The following SLC44A5 variants were observed in gnomAD, a reference collection of about 807,000 sequenced individuals.
The protein encoded by SLC44A5 is choline transporter-like protein 5.
Under a neutral mutation model 101.8 loss-of-function variants are expected in SLC44A5, and 57 were observed. That is an observed-to-expected ratio of 0.56 (90% CI 0.45 to 0.70). The LOEUF is 0.70. Ranked by LOEUF, SLC44A5 falls within the 30% of genes least tolerant of loss-of-function variation. The pLI is 0.00. For synonymous variants in SLC44A5, 281 were observed against 290.9 expected (o/e 0.97, Z 0.35); for missense variants, 737 against 853.1 (o/e 0.86, Z 1.70).
intron 12 of SLC44A5, among the ~76,000 whole-genome samples, chr1:75,233,581 C>T (rs1220018004): frequency 2.0e-5 from 3 of 152,286 alleles, no homozygotes; most frequent in South Asian, 4.1e-4. Context: ...ATTAAACGTA[C>T]TAAGTTGAAA....
chr1:75,246,561 T>G (rs1276672587), intron 7 of SLC44A5, among the ~76,000 whole-genome samples: 2 of 151,508 alleles, frequency 1.3e-5, no homozygotes, highest in Non-Finnish European at 3.0e-5. Flanking sequence ...TAAGAAATAA[T>G]AAATAAGTAA....
intron 1 of SLC44A5, among the ~76,000 whole-genome samples, chr1:75,558,147 A>C (rs1672320710): frequency 6.6e-6 from 1 of 152,074 alleles, no homozygotes; most frequent in African/African-American, 2.4e-5. Flanking sequence ...TTCCCTCTGC[A>C]TTTTTAACTT....
chr1:75,345,778 T>C (rs1029123612), intron 3 of SLC44A5, among the ~76,000 whole-genome samples: 1 of 151,672 alleles, frequency 6.6e-6, no homozygotes, highest in South Asian at 2.1e-4. Context: ...TTACCAGGAG[T>C]TGGAGAAGGA....
intron 2 of SLC44A5, among the ~76,000 whole-genome samples, chr1:75,518,807 CAGAG>C (rs1669968990): frequency 6.6e-6 from 1 of 152,146 alleles, no homozygotes; most frequent in South Asian, 2.1e-4. Flanking sequence ...GGAAAATCAA[CAGAG>C]AGAGTCAGAT....
At chr1:75,294,789 G>C (rs1653831238) in intron 5 of SLC44A5, among the ~76,000 whole-genome samples, 1 of 152,106 alleles carries the variant, frequency 6.6e-6, no homozygotes, top group Non-Finnish European at 1.5e-5. Context: ...TAGAAGAAAA[G>C]TATTGCGTGA....
intron 4 of SLC44A5, among the ~76,000 whole-genome samples, chr1:75,325,881 G>A (rs560486995): frequency 1.3e-5 from 2 of 151,700 alleles, no homozygotes; most frequent in Admixed American, 6.6e-5. Flanking sequence ...GGGTGCAACC[G>A]AAGTCCAAAC....
intron 2 of SLC44A5, among the ~76,000 whole-genome samples, chr1:75,429,451 C>A (rs947026756): frequency 6.6e-6 from 1 of 152,214 alleles, no homozygotes; most frequent in Non-Finnish European, 1.5e-5. Flanking sequence ...AGAAAGCCAT[C>A]TTTCTTGGGC....
At chr1:75,545,824 CTTT>C in intron 1 of SLC44A5, among the ~76,000 whole-genome samples, 1 of 136,150 alleles carries the variant, frequency 7.3e-6, no homozygotes. Context: ...TTTTTCTTTT[CTTT>C]TTTTTTTTTT....
intron 23 of SLC44A5, among the ~76,000 whole-genome samples, chr1:75,210,804 T>C (rs1403444051): frequency 1.3e-5 from 2 of 152,196 alleles, no homozygotes; most frequent in Non-Finnish European, 2.9e-5. Context: ...GCAAACTCCA[T>C]TCTCTTAGCT....
At position 75,202,725 on chromosome 1, in the gene SLC44A5, T is replaced by TAA. The variant is rs1466562743; in HGVS notation, c.*1000_*1001dup. On this transcript the variant is annotated 3_prime_UTR_variant, in exon 24 of 24. Coordinates refer to ENST00000370859, the MANE Select transcript of SLC44A5 (RefSeq NM_001130058.2). The stretch of plus-strand genomic sequence containing the variant: ...CATCTGTGAGCACCCTTTCGAGGAG[T>TAA]AAAGTTTCCCTTTGCAATTCCTAGA... 1 of 152,070 alleles carries TAA rather than the reference T, an allele frequency of 6.6e-6. No individual in the cohort carries two copies. The highest frequency in any genetic ancestry group is 1.5e-5 in the Non-Finnish European group (1 of 68,000). 9.4% of individuals were successfully genotyped at this position (152,070 alleles called of 1,614,324 possible).
At chr1:75,450,563 A>G (rs190907936) in intron 2 of SLC44A5, among the ~76,000 whole-genome samples, 21 of 152,200 alleles carry the variant, frequency 1.4e-4, no homozygotes, top group East Asian at 1.4e-3. Flanking sequence ...CTACCCCCCA[A>G]CTGCAATCCT....
chr1:75,553,400 T>C (rs1672048209), intron 1 of SLC44A5, among the ~76,000 whole-genome samples: 1 of 152,246 alleles, frequency 6.6e-6, no homozygotes, highest in African/African-American at 2.4e-5. Context: ...GCCAGTTTTA[T>C]ATTTTGAGGT....
At position 75,203,745 on chromosome 1, in the gene SLC44A5, T is replaced by C. The variant is rs187209060; in HGVS notation, c.2136A>G (p.Pro712=). Residue 712 remains proline, a synonymous_variant, in exon 24 of 24, where the codon CCA becomes CCG. Coordinates refer to ENST00000370859, the MANE Select transcript of SLC44A5 (RefSeq NM_001130058.2). ...PLLKIFQEEN[P]QTRKQ ...TGCTCTTCTACTGCTTCCTAGTTTG[T>C]GGATTTTCCTCCTGGAAAATCTTCA... 2.5e-4 allele frequency: 383 copies of C among 1,549,132 alleles called. 1 individual carries two copies. The African/African-American group carries it at 4.7e-3, about 19-fold the overall frequency.
At chr1:75,432,003 T>C (rs1377895391) in intron 2 of SLC44A5, among the ~76,000 whole-genome samples, 1 of 152,134 alleles carries the variant, frequency 6.6e-6, no homozygotes, top group African/African-American at 2.4e-5. Flanking sequence ...AGTCTCCACT[T>C]AGAATATGTG....
chr1:75,348,796 C>T (rs182771125), intron 3 of SLC44A5, among the ~76,000 whole-genome samples: 16 of 152,104 alleles, frequency 1.1e-4, no homozygotes, highest in African/African-American at 3.6e-4. Flanking sequence ...GTTTATAAAA[C>T]AACTATGTTT....
chr1:75,207,450 A>G (rs1474072925), intron 23 of SLC44A5, among the ~76,000 whole-genome samples: 1 of 152,200 alleles, frequency 6.6e-6, no homozygotes, highest in Admixed American at 6.5e-5. Context: ...CCTGCTGGCT[A>G]GTTGGGAGGA....
intron 2 of SLC44A5, among the ~76,000 whole-genome samples, chr1:75,448,754 T>G (rs77153999): frequency 4.6e-5 from 7 of 151,982 alleles, no homozygotes; most frequent in Admixed American, 4.6e-4. Flanking sequence ...AACAATTGTC[T>G]TCATTACAGC....
intron 1 of SLC44A5, among the ~76,000 whole-genome samples, chr1:75,596,198 ACATG>A (rs879724519): frequency 0.012 from 1,251 of 105,190 alleles, 20 homozygotes; most frequent in African/African-American, 0.037. Flanking sequence ...CATAGTAGAC[ACATG>A]CACACACACA....
rs1410960482 is a variant in SLC44A5, at chr1:75,508,116, G to A, written c.13+33319C>T. ...TACCCTAAAATTGACCACATGCTCA[G>A]CCATAAAGTAAGTCTCAATAAATTT... On this transcript the variant is annotated intron_variant, in intron 2 of 23. Transcript: ENST00000370859. 1.1e-4 allele frequency among the ~76,000 whole-genome samples: 16 copies of A among 152,136 alleles called. No individual in the cohort carries two copies. In the East Asian group the frequency reaches 3.1e-3, roughly 29 times the overall value.
Sources: gnomAD v4.1 joint callset for allele counts (sites outside exome capture counted in the v4.1 genomes callset) on GRCh38, gnomAD v4.1.1 for gene constraint, MANE v1.5 for transcripts, NCBI Gene and HGNC (gene_info 2026-07-23, HGNC 2026-07-21) for gene names.